NALF1: variants seen among roughly 807,000 people sequenced by gnomAD.
NALF1 encodes the protein family with sequence similarity 155 member A.
NALF1 carries 3 observed loss-of-function variants against 48.4 expected under a neutral mutation model. The observed-to-expected ratio is 0.06, with a 90% CI of 0.03 to 0.16. The LOEUF is 0.16. Ranked by LOEUF, NALF1 falls within the 10% of genes least tolerant of loss-of-function variation. The pLI is 1.00. For synonymous variants in NALF1, 262 were observed against 245.7 expected (o/e 1.07, Z -0.62); for missense variants, 526 against 571.5 (o/e 0.92, Z 0.81).
chr13:107,488,189 A>C (rs1594089901), intron 1 of NALF1, among the ~76,000 whole-genome samples: 1 of 141,518 alleles, frequency 7.1e-6, no homozygotes, highest in Non-Finnish European at 1.5e-5. Flanking sequence ...GTGGTCTATT[A>C]TTTTATTAAC....
chr13:107,728,521 G>A (rs1411237291), intron 1 of NALF1, among the ~76,000 whole-genome samples: 5 of 151,806 alleles, frequency 3.3e-5, no homozygotes, highest in East Asian at 3.9e-4. Context: ...ACCACACACC[G>A]GGGTCTGTCA....
Position 107,791,786 on chromosome 13 carries a change from C to G in NALF1, c.915+73896G>C, listed in dbSNP as rs867684822. ...GCCAACGTGGTGATCCCCGCCCCCC[C>G]CCGTCTCTACTAAAAATACAAAAAT... On this transcript the variant is annotated intron_variant, in intron 1 of 2. Transcript: ENST00000375915. 5.9e-5 allele frequency among the ~76,000 whole-genome samples: 9 copies of G among 151,890 alleles called. No individual in the cohort carries two copies. In the South Asian group the frequency reaches 8.3e-4, roughly 14 times the overall value.
At chr13:107,306,956 T>G (rs1174269269) in intron 1 of NALF1, among the ~76,000 whole-genome samples, 1 of 152,104 alleles carries the variant, frequency 6.6e-6, no homozygotes, top group African/African-American at 2.4e-5. Context: ...AGAGCTTGTC[T>G]CAAAAAAAAC....
In NALF1 at chr13:107,599,988, T is replaced by C. The variant is rs181374387; in HGVS notation, c.915+265694A>G. Among the ~76,000 whole-genome samples the C allele has an allele frequency of 1.6e-3, 239 of 152,354 alleles. 1 individual carries two copies. Among genetic ancestry groups the C allele is most frequent in the African/African-American group, 5.4e-3 (225 of 41,578 alleles). ...TGATATAATGTTATTATTACTTGAA[T>C]GATACCATCACAGCTTATGAAACAA... On this transcript the variant is annotated intron_variant, in intron 1 of 2. Coordinates refer to ENST00000375915, the MANE Select transcript of NALF1 (RefSeq NM_001080396.3).
intron 1 of NALF1, among the ~76,000 whole-genome samples, chr13:107,217,662 G>A (rs1408262475): frequency 6.6e-6 from 1 of 152,000 alleles, no homozygotes; most frequent in Non-Finnish European, 1.5e-5. Flanking sequence ...GAGAAACCTG[G>A]GGGTCATCCG....
Position 107,470,493 on chromosome 13 carries a change from G to A in NALF1, c.916-259738C>T, listed in dbSNP as rs563657231. ...AGTTTTCTTTGCATTGCTCACTTTT[G>A]GTCCACTACCAATAAAGTCAAAGGT... On this transcript the variant is annotated intron_variant, in intron 1 of 2. Transcript: ENST00000375915. Among the ~76,000 whole-genome samples the A allele has an allele frequency of 2.0e-5, 3 of 152,178 alleles. No individual in the cohort carries two copies. The South Asian group carries it at 6.2e-4, about 32-fold the overall frequency.
intron 1 of NALF1, among the ~76,000 whole-genome samples, chr13:107,781,769 GTTAA>G (rs1407072642): frequency 1.3e-5 from 2 of 151,648 alleles, no homozygotes; most frequent in African/African-American, 2.4e-5. Flanking sequence ...ATTCTTTGAC[GTTAA>G]TTGTTTATTT....
intron 1 of NALF1, among the ~76,000 whole-genome samples, chr13:107,266,702 A>G (rs1322344548): frequency 6.6e-6 from 1 of 152,212 alleles, no homozygotes; most frequent in African/African-American, 2.4e-5. Context: ...AAGTCCCAGC[A>G]CCTCACAATG....
intron 1 of NALF1, among the ~76,000 whole-genome samples, chr13:107,851,805 C>CTTTTTTTTTTTTTTTTTTTTTTTTTTTT (rs34999908): frequency 1.9e-5 from 2 of 104,698 alleles, no homozygotes; most frequent in Non-Finnish European, 3.7e-5. Flanking sequence ...CAGGCCCTTT[C>CTTTTTTTTTTTTTTTTTTTTTTTTTTTT]TTTTTTTTTT....
intron 1 of NALF1, among the ~76,000 whole-genome samples, chr13:107,385,552 CAAAAAAAAA>C (rs201307018): frequency 1.7e-5 from 2 of 118,292 alleles, no homozygotes. Context: ...GATTCCATCT[CAAAAAAAAA>C]AAAAAAAAAA....
intron 1 of NALF1, among the ~76,000 whole-genome samples, chr13:107,517,831 T>C (rs763045751): frequency 5.3e-5 from 8 of 151,884 alleles, no homozygotes; most frequent in Non-Finnish European, 1.0e-4. Flanking sequence ...GATGCATGAC[T>C]GTAATCCCAG....
At position 107,230,518 on chromosome 13, in the gene NALF1, T is replaced by A. The variant is rs1413992169; in HGVS notation, c.916-19763A>T. Among the ~76,000 whole-genome samples, 12 of 152,228 alleles carry A rather than the reference T, an allele frequency of 7.9e-5. No homozygotes were observed. The South Asian group carries it at 1.0e-3, about 13-fold the overall frequency. ...CATCCTCATTATTATTATTATTATT[T>A]TTATTTTGCCTTTCAAGATGTAAGA... On this transcript the variant is annotated intron_variant, in intron 1 of 2. Coordinates refer to ENST00000375915, the MANE Select transcript of NALF1 (RefSeq NM_001080396.3).
At chr13:107,685,563 T>C (rs111719535) in intron 1 of NALF1, among the ~76,000 whole-genome samples, 1,985 of 152,238 alleles carry the variant, frequency 0.013, 19 homozygotes, top group Middle Eastern at 0.13. Context: ...GAAAAACATA[T>C]GTTGGAATTC....
At chr13:107,579,662 T>A (rs1402877739) in intron 1 of NALF1, among the ~76,000 whole-genome samples, 3 of 91,876 alleles carry the variant, frequency 3.3e-5, no homozygotes, top group African/African-American at 8.8e-5. Context: ...TTTTTTTTTT[T>A]AGCTGATTTC....
intron 1 of NALF1, among the ~76,000 whole-genome samples, chr13:107,845,210 C>A (rs917670970): frequency 7.9e-5 from 12 of 151,990 alleles, no homozygotes; most frequent in Non-Finnish European, 1.5e-4. Flanking sequence ...TTGGCATGAC[C>A]CAAGTCCAGA....
At position 107,853,898 on chromosome 13, in the gene NALF1, G is replaced by C. The variant is rs149075622; in HGVS notation, c.915+11784C>G. Among the ~76,000 whole-genome samples, 31 of 152,276 alleles carry C rather than the reference G, an allele frequency of 2.0e-4. No individual in the cohort carries two copies. In the East Asian group the frequency reaches 3.5e-3, roughly 17 times the overall value. On this transcript the variant is annotated intron_variant, in intron 1 of 2. Coordinates refer to ENST00000375915, the MANE Select transcript of NALF1 (RefSeq NM_001080396.3). ...GAAATAGCATAGAAATAGTTGGACT[G>C]TTTCACCCACTAAGTTGTAAGGACA...
chr13:107,496,500 A>G (rs2139073950), intron 1 of NALF1, among the ~76,000 whole-genome samples: 1 of 152,240 alleles, frequency 6.6e-6, no homozygotes, highest in Non-Finnish European at 1.5e-5. Context: ...CAGTGCCATG[A>G]GTGTCTGGTA....
At chr13:107,575,690 C>T (rs182737867) in intron 1 of NALF1, among the ~76,000 whole-genome samples, 1 of 152,116 alleles carries the variant, frequency 6.6e-6, no homozygotes, top group Admixed American at 6.6e-5. Flanking sequence ...TAAAGATGGA[C>T]TCCTGGCTGT....
chr13:107,424,856 A>G (rs1449415932), intron 1 of NALF1, among the ~76,000 whole-genome samples: 1 of 152,198 alleles, frequency 6.6e-6, no homozygotes, highest in Non-Finnish European at 1.5e-5. Flanking sequence ...GTGCATTTAC[A>G]TGCAACTTTG....
Sources: gnomAD v4.1 joint callset for allele counts (sites outside exome capture counted in the v4.1 genomes callset) on GRCh38, gnomAD v4.1.1 for gene constraint, MANE v1.5 for transcripts, NCBI Gene and HGNC (gene_info 2026-07-23, HGNC 2026-07-21) for gene names.